The following NCOA5 variants were observed in gnomAD, a reference collection of about 807,000 sequenced individuals.
NCOA5 encodes nuclear receptor coactivator 5.
A neutral mutation model predicts 59.0 loss-of-function variants in NCOA5; 12 were observed. That is an observed-to-expected ratio of 0.20 (90% confidence interval 0.13 to 0.33). NCOA5 has a LOEUF of 0.33. Ranked by LOEUF, NCOA5 falls within the 10% of genes least tolerant of loss-of-function variation. NCOA5 has a pLI of 1.00. For synonymous variants in NCOA5, 270 were observed against 275.5 expected (o/e 0.98, Z 0.20); for missense variants, 655 against 766.6 (o/e 0.85, Z 1.72).
intron 4 of NCOA5, 80 bp from the exon 5 acceptor site, chr20:46,067,261 A>G (rs945533316): frequency 8.0e-6 from 12 of 1,497,654 alleles, no homozygotes; most frequent in Admixed American, 2.2e-5. Context: ...GGCAAAGGTC[A>G]TAATACTCTG....
chr20:46,066,150 T>C (rs1467104221), intron 5 of NCOA5, among the ~76,000 whole-genome samples: 1 of 152,072 alleles, frequency 6.6e-6, no homozygotes, highest in African/African-American at 2.4e-5. Flanking sequence ...TGCTAGAAAA[T>C]ACATGAAGTT....
In NCOA5 at chr20:46,062,284, G is replaced by A. The variant is rs1258349854; in HGVS notation, c.*16C>T. On this transcript the variant is annotated 3_prime_UTR_variant, in exon 8 of 8. Transcript: ENST00000290231. ...CCAGGGGATGAGGGGACTGGGGAGAGTTGAAAGATTTAGCTTCAGTAATGC... is the reference window on the plus strand; with the variant it reads ...CCAGGGGATGAGGGGACTGGGGAGAATTGAAAGATTTAGCTTCAGTAATGC... 1.9e-6 allele frequency: 3 copies of A among 1,599,016 alleles called. No individual in the cohort carries two copies. Among genetic ancestry groups the A allele is most frequent in the South Asian group, 1.1e-5 (1 of 90,412 alleles).
chr20:46,063,121 C>T (rs573504761), intron 7 of NCOA5, among the ~76,000 whole-genome samples: 89 of 152,320 alleles, frequency 5.8e-4, no homozygotes, highest in African/African-American at 1.6e-3. Flanking sequence ...CTGGCTACCA[C>T]GGAGCCAGCA....
At chr20:46,073,694 T>C (rs2084907953) in intron 2 of NCOA5, among the ~76,000 whole-genome samples, 1 of 152,212 alleles carries the variant, frequency 6.6e-6, no homozygotes, top group African/African-American at 2.4e-5. Flanking sequence ...ACACAAAGCC[T>C]TGGGCTGGTG....
At position 46,062,711 on chromosome 20, in the gene NCOA5, T is replaced by G. The variant is rs1537028; in HGVS notation, c.1329A>C (p.Thr443=). 0.34 allele frequency: 549,020 copies of G among 1,613,796 alleles called. 96,895 individuals carry two copies. Among genetic ancestry groups the G allele is most frequent in the East Asian group, 0.59 (26,461 of 44,852 alleles). The change falls in exon 8 of 8, where the codon ACA becomes ACC. Residue 443 remains threonine, a synonymous_variant. Coordinates refer to ENST00000290231, the MANE Select transcript of NCOA5 (RefSeq NM_020967.3). ...ATGCAGAGCTGCTATTGGCCGTCACTGTGCCACTATTGAAGAGGCTGAGGA... is the reference window on the plus strand; with the variant it reads ...ATGCAGAGCTGCTATTGGCCGTCACGGTGCCACTATTGAAGAGGCTGAGGA... ...AKILSLFNSG[T]VTANSSSASP... is the part of the protein sequence containing the mutation.
At chr20:46,069,801 G>C (rs1274908439) in intron 3 of NCOA5, among the ~76,000 whole-genome samples, 1 of 151,886 alleles carries the variant, frequency 6.6e-6, no homozygotes. Context: ...TGGTTATTGT[G>C]AATAGTACTG....
intron 2 of NCOA5, among the ~76,000 whole-genome samples, chr20:46,074,113 A>G (rs1470425762): frequency 6.6e-6 from 1 of 152,226 alleles, no homozygotes. Flanking sequence ...ACACTATGGT[A>G]GACTGCTGTT....
At chr20:46,069,555 G>A (rs1335406205) in intron 3 of NCOA5, among the ~76,000 whole-genome samples, 1 of 152,192 alleles carries the variant, frequency 6.6e-6, no homozygotes, top group East Asian at 1.9e-4. Context: ...GGGCAACACA[G>A]TGAGACTCCA....
chr20:46,075,355 C>A (rs2084925953), intron 2 of NCOA5, among the ~76,000 whole-genome samples: 1 of 152,116 alleles, frequency 6.6e-6, no homozygotes, highest in Non-Finnish European at 1.5e-5. Context: ...TTCTTTGTGG[C>A]CCACCTAGAG....
intron 4 of NCOA5, 62 bp downstream of exon 4, chr20:46,068,440 T>C: frequency 1.3e-6 from 2 of 1,533,804 alleles, no homozygotes; most frequent in Non-Finnish European, 1.7e-6. Flanking sequence ...GGTTATTAGT[T>C]TCCTCTCTCT....
chr20:46,079,202 C>G (rs577016024), intron 2 of NCOA5, among the ~76,000 whole-genome samples, 185 bp downstream of exon 2: 35 of 152,106 alleles, frequency 2.3e-4, no homozygotes, highest in Non-Finnish European at 2.9e-4. Flanking sequence ...ACAAAGCTTC[C>G]TCTGTATCTC....
At chr20:46,071,990 T>TC (rs2084887465) in intron 2 of NCOA5, among the ~76,000 whole-genome samples, 1 of 152,166 alleles carries the variant, frequency 6.6e-6, no homozygotes, top group Non-Finnish European at 1.5e-5. Flanking sequence ...ACCATGCTCC[T>TC]CCTCCAGTCC....
intron 1 of NCOA5, among the ~76,000 whole-genome samples, chr20:46,081,443 T>C (rs2084991222): frequency 1.3e-5 from 2 of 152,152 alleles, no homozygotes; most frequent in Non-Finnish European, 2.9e-5. Flanking sequence ...CCAGTTCTAG[T>C]TAGAATGAAG....
chr20:46,066,442 C>G (rs1386068508), intron 5 of NCOA5, among the ~76,000 whole-genome samples: 1 of 152,162 alleles, frequency 6.6e-6, no homozygotes, highest in Non-Finnish European at 1.5e-5. Context: ...ATATACTACT[C>G]TGCTTGACCA....
In NCOA5 at chr20:46,070,526, C is replaced by T. The variant is rs777728988; in HGVS notation, c.49G>A (p.Gly17Ser). Residue 17 changes from glycine to serine, a missense_variant, in exon 3 of 8, where the codon GGC becomes AGC. Physicochemically the swap from Gly to Ser is moderately conservative, Grantham distance 56 (BLOSUM62 0). Coordinates refer to ENST00000290231, the MANE Select transcript of NCOA5 (RefSeq NM_020967.3). ...CTTGAATCTCGACTGTCTCCAAAGC[C>T]ATATGGATCCCTGTGGGAGGTAGCA... is the stretch of plus-strand genomic sequence containing the variant. The part of the protein sequence containing the change: ...RPSPTRRDPY[G>S]FGDSRDSRRD... 16 of 1,613,198 alleles carry T rather than the reference C, an allele frequency of 9.9e-6. No individual in the cohort carries two copies. The Admixed American group carries it at 1.0e-4, about 10-fold the overall frequency.
At chr20:46,083,335 C>A (rs949181402) in intron 1 of NCOA5, among the ~76,000 whole-genome samples, 3 of 152,238 alleles carry the variant, frequency 2.0e-5, no homozygotes, top group Non-Finnish European at 1.5e-5. Flanking sequence ...CACTGCTTTA[C>A]CCTTCACAAG....
chr20:46,081,377 T>C (rs2084990303), intron 1 of NCOA5, among the ~76,000 whole-genome samples: 1 of 152,134 alleles, frequency 6.6e-6, no homozygotes, highest in Non-Finnish European at 1.5e-5. Context: ...CGTGAGCATC[T>C]ACATACAGAA....
intron 1 of NCOA5, among the ~76,000 whole-genome samples, chr20:46,084,443 G>C (rs753612308): frequency 6.6e-6 from 1 of 152,210 alleles, no homozygotes; most frequent in Non-Finnish European, 1.5e-5. Context: ...AAATGACCCA[G>C]AGACACCCAA....
chr20:46,062,962 G>T, intron 7 of NCOA5, 73 bp from the exon 8 acceptor site: 6 of 1,265,432 alleles, frequency 4.7e-6, no homozygotes, highest in Non-Finnish European at 6.5e-6. Flanking sequence ...GCCAAAGGAA[G>T]AACAACAATC....
Sources: gnomAD v4.1 joint callset for allele counts (sites outside exome capture counted in the v4.1 genomes callset) on GRCh38, gnomAD v4.1.1 for gene constraint, MANE v1.5 for transcripts, NCBI Gene and HGNC (gene_info 2026-07-23, HGNC 2026-07-21) for gene names.